The following DCLK1 variants were observed in gnomAD, a reference collection of about 807,000 sequenced individuals.
DCLK1 encodes doublecortin like kinase 1.
In DCLK1, 16 loss-of-function variants were observed where a neutral mutation model predicts 86.2. The observed-to-expected ratio is 0.19, with a 90% CI of 0.13 to 0.28. The LOEUF (loss-of-function observed/expected upper bound fraction) is 0.28, where lower values mean the gene tolerates loss of function less well. Among genes scored for constraint, DCLK1 ranks in the 10% least tolerant of loss-of-function variants. The pLI is 1.00. For synonymous variants in DCLK1, 369 were observed against 370.5 expected (o/e 1.00, Z 0.05); for missense variants, 590 against 940.2 (o/e 0.63, Z 4.87).
intron 3 of DCLK1, among the ~76,000 whole-genome samples, chr13:36,054,465 G>A (rs1185402215): frequency 6.6e-6 from 1 of 152,108 alleles, no homozygotes; most frequent in Non-Finnish European, 1.5e-5. Context: ...CAACATAGCT[G>A]GGCTATTATT....
chr13:35,913,620 AT>A (rs879308765), intron 4 of DCLK1, among the ~76,000 whole-genome samples: 3 of 152,076 alleles, frequency 2.0e-5, no homozygotes, highest in Admixed American at 6.6e-5. Flanking sequence ...ACTAAATTAC[AT>A]TTTTTTTCTT....
chr13:35,864,601 T>A (rs1285115483), intron 5 of DCLK1, among the ~76,000 whole-genome samples: 1 of 146,138 alleles, frequency 6.8e-6, no homozygotes, highest in Non-Finnish European at 1.5e-5. Context: ...GTTGGCTATC[T>A]AAATGGAAAT....
intron 3 of DCLK1, among the ~76,000 whole-genome samples, chr13:36,077,949 A>T (rs1250733971): frequency 2.6e-5 from 4 of 152,178 alleles, no homozygotes; most frequent in Non-Finnish European, 4.4e-5. Flanking sequence ...GGATTTTCTC[A>T]CTAACCAGTA....
chr13:35,826,782 A>G (rs183108670), intron 10 of DCLK1, among the ~76,000 whole-genome samples: 65 of 152,282 alleles, frequency 4.3e-4, no homozygotes, highest in African/African-American at 1.4e-3. Context: ...TCAAGTCAGC[A>G]GTGTAGGGAT....
chr13:35,962,117 T>C (rs1470348785), intron 3 of DCLK1, among the ~76,000 whole-genome samples: 1 of 152,228 alleles, frequency 6.6e-6, no homozygotes, highest in Non-Finnish European at 1.5e-5. Context: ...ATAGTTATCT[T>C]ATTTTTTGCA....
intron 7 of DCLK1, 65 bp from the exon 8 acceptor site, chr13:35,836,206 A>T: frequency 7.5e-7 from 1 of 1,328,592 alleles, no homozygotes; most frequent in Non-Finnish European, 1.1e-6. Flanking sequence ...ACAAGGAAAC[A>T]TTTAAAAGTA....
In DCLK1 at chr13:35,772,674, GGA is replaced by G. The variant is rs1491125151; in HGVS notation, c.*1859_*1860del. On this transcript the variant is annotated 3_prime_UTR_variant, in exon 17 of 17. Coordinates refer to ENST00000360631, the MANE Select transcript of DCLK1 (RefSeq NM_001330071.2). ...CACTTCCGGATGCTCTAAAAGGGGG[GGA>G]AAAAAACCTCAATAAACGATATGCT... 5.6e-5 allele frequency: 8 copies of G among 142,400 alleles called. No homozygotes were observed. In the East Asian group the frequency reaches 1.3e-3, roughly 24 times the overall value. 8.8% of individuals were successfully genotyped at this position (142,400 alleles called of 1,614,324 possible).
chr13:36,096,875 T>G (rs1254306054), intron 3 of DCLK1, among the ~76,000 whole-genome samples: 2 of 152,144 alleles, frequency 1.3e-5, no homozygotes, highest in Non-Finnish European at 2.9e-5. Flanking sequence ...GCCATGAACA[T>G]GAAAGCTTTC....
At chr13:35,897,152 A>G (rs9315372) in intron 4 of DCLK1, among the ~76,000 whole-genome samples, 26,277 of 152,086 alleles carry the variant, frequency 0.17, 4,296 homozygotes, top group African/African-American at 0.44. Context: ...GATGTAGGGT[A>G]TTTGGGACCA....
intron 14 of DCLK1, among the ~76,000 whole-genome samples, chr13:35,806,603 G>T (rs566294210): frequency 6.6e-6 from 1 of 152,172 alleles, no homozygotes; most frequent in Admixed American, 6.5e-5. Context: ...CTCGGGAAGG[G>T]GGTGATTTAA....
At chr13:36,011,585 T>C (rs1260129454) in intron 3 of DCLK1, among the ~76,000 whole-genome samples, 3 of 151,044 alleles carry the variant, frequency 2.0e-5, no homozygotes, top group Non-Finnish European at 4.4e-5. Context: ...CACTGTGGTC[T>C]GAGAGATAGT....
At chr13:36,017,163 G>A (rs561170855) in intron 3 of DCLK1, among the ~76,000 whole-genome samples, 22 of 152,314 alleles carry the variant, frequency 1.4e-4, no homozygotes, top group African/African-American at 5.1e-4. Flanking sequence ...AAAAAGGAAG[G>A]AGACAAGGAT....
intron 1 of DCLK1, among the ~76,000 whole-genome samples, chr13:36,127,987 A>G (rs1267398751): frequency 1.3e-5 from 2 of 152,228 alleles, no homozygotes; most frequent in Non-Finnish European, 2.9e-5. Flanking sequence ...CAAGAACCTT[A>G]CAAGCACTCC....
At chr13:35,977,033 T>C (rs950484942) in intron 3 of DCLK1, among the ~76,000 whole-genome samples, 1 of 152,168 alleles carries the variant, frequency 6.6e-6, no homozygotes, top group Non-Finnish European at 1.5e-5. Context: ...AAATCAGAAA[T>C]AATTCAAAAA....
chr13:35,813,730 C>CTTTTTTTT (rs35366486), intron 11 of DCLK1, among the ~76,000 whole-genome samples: 1 of 105,446 alleles, frequency 9.5e-6, no homozygotes, highest in Non-Finnish European at 1.9e-5. Context: ...CCCCGCCCCG[C>CTTTTTTTT]TTTTTTTTTT....
At chr13:35,792,967 C>T (rs888592972) in intron 16 of DCLK1, among the ~76,000 whole-genome samples, 1 of 152,146 alleles carries the variant, frequency 6.6e-6, no homozygotes, top group Non-Finnish European at 1.5e-5. Flanking sequence ...CTATAGTGTT[C>T]CAAGCTCTCC....
At chr13:35,918,345 T>C (rs1194212861) in intron 4 of DCLK1, among the ~76,000 whole-genome samples, 1 of 152,074 alleles carries the variant, frequency 6.6e-6, no homozygotes, top group Non-Finnish European at 1.5e-5. Flanking sequence ...ATCTGTGAGG[T>C]TGTGTGGATT....
chr13:35,855,391 T>C (rs1046586597), intron 5 of DCLK1: 2 of 951,014 alleles, frequency 2.1e-6, no homozygotes, highest in Admixed American at 4.4e-5. Context: ...ATTTTACCTG[T>C]AAAAATGGCA....
intron 3 of DCLK1, among the ~76,000 whole-genome samples, chr13:36,003,617 A>T (rs1179091166): frequency 6.6e-6 from 1 of 152,354 alleles, no homozygotes; most frequent in East Asian, 1.9e-4. Context: ...GTACTGCAAC[A>T]TAAGTTAGAG....
Sources: allele counts gnomAD v4.1 joint callset (sites outside exome capture counted in the v4.1 genomes callset), GRCh38; gene constraint gnomAD v4.1.1; transcripts MANE v1.5; gene names NCBI Gene and HGNC (gene_info 2026-07-23, HGNC 2026-07-21).